The following CD8B2 variants were observed in gnomAD, a reference collection of about 807,000 sequenced individuals.
The protein encoded by CD8B2 is T-cell surface glycoprotein CD8 beta-2 chain.
CD8B2 carries 11 observed loss-of-function variants against 23.7 expected under a neutral mutation model. The ratio of observed to expected loss-of-function variants is 0.46; its 90% CI spans 0.29 to 0.77. CD8B2 has a LOEUF of 0.77. Among genes scored for constraint, CD8B2 ranks in the 30% least tolerant of loss-of-function variants. The pLI is 0.09. For synonymous variants in CD8B2, 90 were observed against 109.3 expected (o/e 0.82, Z 1.10); for missense variants, 197 against 270.5 (o/e 0.73, Z 1.91).
At chr2:106,498,912 G>A (rs1679348223) in intron 3 of CD8B2, among the ~76,000 whole-genome samples, 1 of 152,094 alleles carries the variant, frequency 6.6e-6, no homozygotes, top group South Asian at 2.1e-4. Context: ...ACCCTTAGGT[G>A]CTGGGGGACC....
chr2:106,487,523 G>C, intron 1 of CD8B2, 54 bp downstream of exon 1: 1 of 1,078,984 alleles, frequency 9.3e-7, no homozygotes, highest in Non-Finnish European at 1.2e-6. Context: ...GGCCTGAGCG[G>C]GGAGGTGATA....
chr2:106,513,596 C>G (rs564094817), downstream of CD8B2, among the ~76,000 whole-genome samples: 1 of 150,726 alleles, frequency 6.6e-6, no homozygotes, highest in African/African-American at 2.4e-5. Flanking sequence ...GGAGGCTCCT[C>G]TTCCCCACAC....
chr2:106,515,346 C>A (rs111463521), downstream of CD8B2, among the ~76,000 whole-genome samples: 7,122 of 152,252 alleles, frequency 0.047, 212 homozygotes, highest in Middle Eastern at 0.12. Flanking sequence ...CATAGACTGC[C>A]CTGTTTGTGC....
intron 5 of CD8B2, among the ~76,000 whole-genome samples, chr2:106,539,267 G>A (rs998801266): frequency 4.6e-5 from 7 of 152,144 alleles, no homozygotes; most frequent in African/African-American, 1.4e-4. Context: ...GTCTCCAGCA[G>A]GTATCACAGC....
chr2:106,519,959 CA>C (rs1250846124), intron 5 of CD8B2, among the ~76,000 whole-genome samples: 1 of 152,120 alleles, frequency 6.6e-6, no homozygotes, highest in African/African-American at 2.4e-5. Context: ...GGCTTATCAG[CA>C]AGTTAGCCAG....
intron 5 of CD8B2, among the ~76,000 whole-genome samples, chr2:106,519,280 G>C (rs1168102960): frequency 6.6e-6 from 1 of 152,166 alleles, no homozygotes; most frequent in African/African-American, 2.4e-5. Context: ...GCCACCTTGG[G>C]GGATAGTGGG....
In CD8B2 at chr2:106,509,830, T is replaced by C. The variant is rs560779048; in HGVS notation, c.*2890T>C. On this transcript the variant is annotated 3_prime_UTR_variant, in exon 6 of 6. Transcript: ENST00000643224. ...ATCTTTTGACTAGCAGTTCCACTTG[T>C]TGGCATTTATCTGAAAGAAATACAT... 6.6e-6 allele frequency: 1 copy of C among 152,352 alleles called. No homozygotes were observed. The highest frequency in any genetic ancestry group is 2.4e-5 in the African/African-American group (1 of 41,584). The allele number at this position is 152,352 out of a possible 1,614,324, so 9.4% of individuals were successfully genotyped here.
At chr2:106,523,713 C>T (rs924151220) in intron 5 of CD8B2, among the ~76,000 whole-genome samples, 2 of 152,148 alleles carry the variant, frequency 1.3e-5, no homozygotes, top group Non-Finnish European at 2.9e-5. Flanking sequence ...ACTTTTTATT[C>T]AGGTGACATC....
intron 3 of CD8B2, among the ~76,000 whole-genome samples, chr2:106,500,552 A>ATAAT (rs1294642524): frequency 7.3e-6 from 1 of 136,992 alleles, no homozygotes; most frequent in South Asian, 2.1e-4. Flanking sequence ...AAATAAATAA[A>ATAAT]TAAATAAATA....
intron 5 of CD8B2, among the ~76,000 whole-genome samples, chr2:106,522,719 T>C (rs545693848): frequency 6.6e-6 from 1 of 152,306 alleles, no homozygotes; most frequent in African/African-American, 2.4e-5. Flanking sequence ...TCACAGGCCT[T>C]ACTTGACATT....
chr2:106,495,796 T>C (rs1679287980), intron 2 of CD8B2, among the ~76,000 whole-genome samples: 1 of 152,126 alleles, frequency 6.6e-6, no homozygotes, highest in South Asian at 2.1e-4. Context: ...ATTTTGTTCA[T>C]TTGTTCATTT....
chr2:106,542,809 G>A (rs1309630722), intron 5 of CD8B2, among the ~76,000 whole-genome samples: 1 of 151,584 alleles, frequency 6.6e-6, no homozygotes, highest in Non-Finnish European at 1.5e-5. Context: ...ATATGTATAT[G>A]TACGTATGTG....
chr2:106,541,691 T>C (rs998068556), intron 5 of CD8B2, among the ~76,000 whole-genome samples: 2 of 152,252 alleles, frequency 1.3e-5, no homozygotes, highest in Non-Finnish European at 2.9e-5. Flanking sequence ...ATTGTATGTA[T>C]GTTTGCATTA....
chr2:106,542,917 C>T (rs1680199563), intron 5 of CD8B2: 1 of 152,120 alleles, frequency 6.6e-6, no homozygotes. Context: ...TCAGGCTAGA[C>T]TCTGCTGCCC....
chr2:106,523,076 A>G lies in CD8B2; in HGVS notation c.620+18751A>G, dbSNP rs935183672. ...ATTTTGCCATGGTCTTTGAACTCAAACCCAACTGGCAAGGGAGCTCTCAAG... is the reference window on the plus strand; with the variant it reads ...ATTTTGCCATGGTCTTTGAACTCAAGCCCAACTGGCAAGGGAGCTCTCAAG... On this transcript the variant is annotated intron_variant, in intron 5 of 5. Transcript: ENST00000416057. 2.9e-4 allele frequency among the ~76,000 whole-genome samples: 44 copies of G among 152,108 alleles called. 2 individuals are homozygous for G. Among genetic ancestry groups the G allele is most frequent in the Non-Finnish European group, 7.4e-5 (5 of 68,012 alleles).
At chr2:106,539,296 T>G (rs1463722073) in intron 5 of CD8B2, among the ~76,000 whole-genome samples, 2 of 152,196 alleles carry the variant, frequency 1.3e-5, no homozygotes, top group Non-Finnish European at 2.9e-5. Context: ...CAGGGCAAGC[T>G]CCTTATAAAT....
chr2:106,515,829 C>CTTT (rs5833191), downstream of CD8B2, among the ~76,000 whole-genome samples: 36 of 149,338 alleles, frequency 2.4e-4, no homozygotes, highest in Admixed American at 8.0e-4. Flanking sequence ...TTAGACTCCT[C>CTTT]TTTTTTTTTT....
chr2:106,517,375 G>C (rs1036103974), intron 5 of CD8B2, among the ~76,000 whole-genome samples: 1 of 151,952 alleles, frequency 6.6e-6, no homozygotes, highest in African/African-American at 2.4e-5. Context: ...TTGATTTCTC[G>C]CTTCTTTCTG....
At chr2:106,527,248 TAA>T (rs538454866) in intron 5 of CD8B2, among the ~76,000 whole-genome samples, 1 of 151,600 alleles carries the variant, frequency 6.6e-6, no homozygotes, top group African/African-American at 2.4e-5. Context: ...ACTTTTTTCT[TAA>T]AAAAAAATAT....
Sources: gnomAD v4.1 joint callset for allele counts (sites outside exome capture counted in the v4.1 genomes callset) on GRCh38, gnomAD v4.1.1 for gene constraint, MANE v1.5 for transcripts, NCBI Gene and HGNC (gene_info 2026-07-23, HGNC 2026-07-21) for gene names.